PCDHGB1: variants seen among roughly 807,000 people sequenced by gnomAD.
PCDHGB1 encodes the protein protocadherin gamma subfamily B, 1.
A neutral mutation model predicts 56.6 loss-of-function variants in PCDHGB1; 34 were observed. The ratio of observed to expected loss-of-function variants is 0.60; its 90% CI spans 0.46 to 0.80. The LOEUF is 0.80. Among genes scored for constraint, PCDHGB1 ranks in the 30% least tolerant of loss-of-function variants. PCDHGB1 has a pLI of 0.00. For missense variants in PCDHGB1, 1,278 were observed against 1,204.6 expected (o/e 1.06, Z -0.90); for synonymous variants, 561 against 505.9 (o/e 1.11, Z -1.46).
Position 141,477,780 on chromosome 5 carries a change from T to C in PCDHGB1, c.2410-17027T>C. On this transcript the variant is annotated intron_variant, in intron 1 of 3. Coordinates refer to ENST00000523390, the MANE Select transcript of PCDHGB1 (RefSeq NM_018922.3). The surrounding 1 kb of genome is among the most constrained non-coding windows in gnomAD (Gnocchi z 4.9). ...CTAGCCACCAACATCAGCGTGAACA[T>C]ATTTGTCACTGATCGCAATGACAAT... 6.2e-7 allele frequency: 1 copy of C among 1,614,048 alleles called. No homozygotes were observed. Among genetic ancestry groups the C allele is most frequent in the Non-Finnish European group, 8.5e-7 (1 of 1,180,030 alleles).
At position 141,476,580 on chromosome 5, in the gene PCDHGB1, C is replaced by T. The variant is rs1463314107; in HGVS notation, c.2410-18227C>T. 6 of 1,614,126 alleles carry T rather than the reference C, an allele frequency of 3.7e-6. No homozygotes were observed. Among genetic ancestry groups the T allele is most frequent in the Non-Finnish European group, 5.1e-6 (6 of 1,180,052 alleles). The stretch of plus-strand genomic sequence containing the variant: ...GCCGTGGCTCCGGGGACGCGCTTTC[C>T]GCTCGAGAGCGCGCACGATCCCGAT... On this transcript the variant is annotated intron_variant, in intron 1 of 3. Transcript: ENST00000523390. This position sits in a 1 kb window ranked among gnomAD's most constrained non-coding sequence, Gnocchi z 7.6.
At position 141,495,009 on chromosome 5, in the gene PCDHGB1, G is replaced by A; in HGVS notation, c.2468+144G>A. 6 of 1,518,622 alleles carry A rather than the reference G, an allele frequency of 4.0e-6. No homozygotes were observed. The South Asian group carries it at 6.2e-5, about 16-fold the overall frequency. The allele number at this position is 1,518,622 out of a possible 1,614,324, so 94.1% of individuals were successfully genotyped here. ...TCCCAGGGAGGTCTTGGTGTGCGGG[G>A]GGCTGGCACACAGACCCCGGAAGGA... is the stretch of plus-strand genomic sequence containing the variant. On this transcript the variant is annotated intron_variant, in intron 2 of 3. Coordinates refer to ENST00000523390, the MANE Select transcript of PCDHGB1 (RefSeq NM_018922.3).
In PCDHGB1 at chr5:141,476,606, G is replaced by A; in HGVS notation, c.2410-18201G>A. 1 of 1,614,244 alleles carries A rather than the reference G, an allele frequency of 6.2e-7. No homozygotes were observed. Among genetic ancestry groups the A allele is most frequent in the Non-Finnish European group, 8.5e-7 (1 of 1,180,046 alleles). Reference sequence around the variant, plus strand: ...GCTCGAGAGCGCGCACGATCCCGATGTGGGAAGCAACTCTTTACAAACCTA... The same window carrying A: ...GCTCGAGAGCGCGCACGATCCCGATATGGGAAGCAACTCTTTACAAACCTA... On this transcript the variant is annotated intron_variant, in intron 1 of 3. Transcript: ENST00000523390. The surrounding 1 kb of genome is among the most constrained non-coding windows in gnomAD (Gnocchi z 7.6).
At position 141,486,923 on chromosome 5, in the gene PCDHGB1, G is replaced by A. The variant is rs1377159895; in HGVS notation, c.2410-7884G>A. ...ATGTCCCCAAGCACTGCCTCCATCAGTTGGTGCTGGCCACCTAATCACAAA... is the reference window on the plus strand; with the variant it reads ...ATGTCCCCAAGCACTGCCTCCATCAATTGGTGCTGGCCACCTAATCACAAA... On this transcript the variant is annotated intron_variant, in intron 1 of 3. Transcript: ENST00000523390. This position sits in a 1 kb window ranked among gnomAD's most constrained non-coding sequence, Gnocchi z 5.0. 6.2e-7 allele frequency: 1 copy of A among 1,614,252 alleles called. No individual in the cohort carries two copies. Among genetic ancestry groups the A allele is most frequent in the Admixed American group, 1.7e-5 (1 of 60,028 alleles).
intron 1 of PCDHGB1, chr5:141,366,556 C>T (rs1764642074): frequency 3.1e-6 from 5 of 1,614,234 alleles, no homozygotes; most frequent in East Asian, 2.2e-5. Flanking sequence ...ACTTTGTGGG[C>T]GTGGATGGGG....
chr5:141,393,893 T>C (rs761049644), intron 1 of PCDHGB1: 7 of 1,614,034 alleles, frequency 4.3e-6, no homozygotes, highest in Non-Finnish European at 5.1e-6. Flanking sequence ...TAGAAAATTC[T>C]CTTCCCGGGA....
chr5:141,427,931 G>T (rs1381637805), intron 1 of PCDHGB1: 3 of 1,583,646 alleles, frequency 1.9e-6, no homozygotes, highest in Non-Finnish European at 2.6e-6. Flanking sequence ...GGCGCATGTT[G>T]GTGGGCGACC....
intron 1 of PCDHGB1, among the ~76,000 whole-genome samples, chr5:141,443,764 C>A (rs1351060316): frequency 6.6e-6 from 1 of 151,708 alleles, no homozygotes; most frequent in Non-Finnish European, 1.5e-5. Flanking sequence ...TTACAATATA[C>A]AATATTACCA....
chr5:141,402,996 T>G, intron 1 of PCDHGB1: 3 of 1,613,890 alleles, frequency 1.9e-6, no homozygotes, highest in Non-Finnish European at 1.7e-6. Context: ...AGATTAGTCC[T>G]GCTATGCTCG....
chr5:141,504,790 CT>C (rs1204741124), intron 2 of PCDHGB1, among the ~76,000 whole-genome samples: 15 of 152,080 alleles, frequency 9.9e-5, no homozygotes, highest in Admixed American at 3.9e-4. Context: ...TTGGGGCCTC[CT>C]ACATCTCCCC....
chr5:141,428,199 C>T (rs760718878), intron 1 of PCDHGB1: 28 of 1,364,510 alleles, frequency 2.1e-5, no homozygotes, highest in Non-Finnish European at 2.9e-5. Flanking sequence ...CTCTCTGCGC[C>T]GCTACGCTTC....
intron 1 of PCDHGB1, chr5:141,389,258 C>G: frequency 6.2e-7 from 1 of 1,614,022 alleles, no homozygotes; most frequent in Non-Finnish European, 8.5e-7. Context: ...ATATAGTCCA[C>G]GTGGCCGAGA....
chr5:141,383,440 G>A, intron 1 of PCDHGB1: 1 of 1,613,950 alleles, frequency 6.2e-7, no homozygotes, highest in Non-Finnish European at 8.5e-7. Context: ...CTTCTCCCTG[G>A]CTGTGCAAAG....
rs1758488290 is a variant in PCDHGB1, at chr5:141,350,482, T to C, written c.222T>C (p.Val74=). 1 of 1,613,922 alleles carries C rather than the reference T, an allele frequency of 6.2e-7. No individual in the cohort carries two copies. ...TTAGTGCAGAGGATTATTTCAACGT[T>C]AGTTTGGAGAGCGGGGATTTGTTAG... ...LRVSAEDYFN[V]SLESGDLLVN... The change falls in exon 1 of 4, where the codon GTT becomes GTC. Residue 74 remains valine (V), a synonymous_variant. Coordinates refer to ENST00000523390, the MANE Select transcript of PCDHGB1 (RefSeq NM_018922.3).
Position 141,370,705 on chromosome 5 carries a change from T to C in PCDHGB1, c.2409+18036T>C, listed in dbSNP as rs766733768. ...TGTGGCAAGAAGTCGACGTGTGTTC[T>C]GGAATTTGAAATGGTTGCTGAAAAG... On this transcript the variant is annotated intron_variant, in intron 1 of 3. Transcript: ENST00000523390. The C allele has an allele frequency of 5.0e-6, 8 of 1,613,842 alleles. No individual in the cohort carries two copies. Among genetic ancestry groups the C allele is most frequent in the Non-Finnish European group, 6.8e-6 (8 of 1,179,894 alleles).
At chr5:141,403,266 A>G in intron 1 of PCDHGB1, 11 of 1,613,858 alleles carry the variant, frequency 6.8e-6, no homozygotes, top group Non-Finnish European at 9.3e-6. Context: ...TGTCTGGTGA[A>G]CTTTAAAGTC....
In PCDHGB1 at chr5:141,489,645, C is replaced by T; in HGVS notation, c.2410-5162C>T. 1.2e-6 allele frequency: 2 copies of T among 1,614,156 alleles called. No homozygotes were observed. The highest frequency in any genetic ancestry group is 2.7e-5 in the African/African-American group (2 of 75,022). On this transcript the variant is annotated intron_variant, in intron 1 of 3. Transcript: ENST00000523390. This position sits in a 1 kb window ranked among gnomAD's most constrained non-coding sequence, Gnocchi z 4.5. ...ATGACAACTCTCCTAGCTTTGCCAC[C>T]CCTGAGCGAGAGATGCGCATCTCAG...
intron 1 of PCDHGB1, among the ~76,000 whole-genome samples, chr5:141,369,978 A>AT (rs1300549847): frequency 6.6e-6 from 1 of 152,234 alleles, no homozygotes; most frequent in Non-Finnish European, 1.5e-5. Flanking sequence ...AAGGTACTTG[A>AT]TTTGGATGGA....
intron 1 of PCDHGB1, chr5:141,387,909 G>C (rs1383616266): frequency 8.0e-6 from 12 of 1,498,886 alleles, no homozygotes; most frequent in Non-Finnish European, 1.1e-5. Flanking sequence ...CGGGGAGCTG[G>C]GCCGGGCTGA....
Sources: gnomAD v4.1 joint callset for allele counts (sites outside exome capture counted in the v4.1 genomes callset) on GRCh38, gnomAD v4.1.1 for gene constraint, Gnocchi (gnomAD v3.1) non-coding constraint, MANE v1.5 for transcripts, NCBI Gene and HGNC (gene_info 2026-07-23, HGNC 2026-07-21) for gene names.